Variants in STK32B observed in about 807,000 individuals in gnomAD.
The protein encoded by STK32B is serine/threonine kinase 32B.
In STK32B, 43 loss-of-function variants were observed where a neutral mutation model predicts 52.6. That is an observed-to-expected ratio of 0.82 (90% confidence interval 0.64 to 1.05). STK32B has a LOEUF of 1.05. Among genes scored for constraint, STK32B ranks in the 50% least tolerant of loss-of-function variants. STK32B has a pLI of 0.00. For synonymous variants in STK32B, 238 were observed against 204.3 expected (o/e 1.17, Z -1.41); for missense variants, 621 against 534.6 (o/e 1.16, Z -1.59).
At chr4:5,365,903 G>A (rs1350591922) in intron 4 of STK32B, among the ~76,000 whole-genome samples, 2 of 152,192 alleles carry the variant, frequency 1.3e-5, no homozygotes, top group African/African-American at 2.4e-5. Context: ...GGCAGCGTGA[G>A]AAAGGACTTG....
intron 3 of STK32B, among the ~76,000 whole-genome samples, chr4:5,231,323 G>C (rs1724252827): frequency 6.6e-6 from 1 of 152,068 alleles, no homozygotes; most frequent in Non-Finnish European, 1.5e-5. Flanking sequence ...CTTTAGAGTA[G>C]CTCTTAGCCG....
chr4:5,159,634 T>TATATGA (rs1420565338), intron 2 of STK32B, among the ~76,000 whole-genome samples: 5 of 101,130 alleles, frequency 4.9e-5, no homozygotes, highest in African/African-American at 2.7e-4. Flanking sequence ...TATATGAATA[T>TATATGA]ATATATGAAT....
At chr4:5,385,172 A>G (rs1736168661) in intron 4 of STK32B, among the ~76,000 whole-genome samples, 2 of 151,972 alleles carry the variant, frequency 1.3e-5, no homozygotes, top group African/African-American at 2.4e-5. Flanking sequence ...GGCCAGAGCT[A>G]GAGGGAATGG....
In STK32B at chr4:5,398,163, G is replaced by A; in HGVS notation, c.435-44G>A. 1.2e-6 allele frequency: 2 copies of A among 1,611,384 alleles called. No homozygotes were observed. The highest frequency in any genetic ancestry group is 1.7e-6 in the Non-Finnish European group (2 of 1,178,536). ...GGTGCTTGTCTATGTGCTCATCTGTGGGCTCAGGAACCACATTGCCAGCTT... is the reference window on the plus strand; with the variant it reads ...GGTGCTTGTCTATGTGCTCATCTGTAGGCTCAGGAACCACATTGCCAGCTT... On this transcript the variant is annotated intron_variant, in intron 4 of 11. Transcript: ENST00000282908. The surrounding 1 kb of genome is among the most constrained non-coding windows in gnomAD (Gnocchi z 4.9).
chr4:5,099,827 C>T lies in STK32B; in HGVS notation c.53-40078C>T, dbSNP rs115639685. 2.1e-3 allele frequency among the ~76,000 whole-genome samples: 318 copies of T among 152,104 alleles called. 3 individuals carry two copies. Among genetic ancestry groups the T allele is most frequent in the African/African-American group, 7.2e-3 (298 of 41,506 alleles). ...TGCGCCCATTCTGCTCATGAGCTCC[C>T]GGGTTTCCAAGCGGGACCTGTCTGA... On this transcript the variant is annotated intron_variant, in intron 1 of 11. Transcript: ENST00000282908.
intron 3 of STK32B, among the ~76,000 whole-genome samples, chr4:5,281,138 A>T (rs750677870): frequency 6.8e-6 from 1 of 147,216 alleles, no homozygotes; most frequent in Non-Finnish European, 1.5e-5. Flanking sequence ...CACTTAACCA[A>T]CCAGATCTCA....
At chr4:5,312,638 A>G (rs1459125501) in intron 3 of STK32B, among the ~76,000 whole-genome samples, 1 of 152,046 alleles carries the variant, frequency 6.6e-6, no homozygotes, top group Non-Finnish European at 1.5e-5. Context: ...ATGGCTGCAT[A>G]GTATTCCATG....
intron 2 of STK32B, among the ~76,000 whole-genome samples, chr4:5,159,630 AAT>A (rs1318524989): frequency 0.014 from 1,133 of 80,806 alleles, 185 homozygotes; most frequent in African/African-American, 0.026. Flanking sequence ...AATATATATG[AAT>A]ATATATATGA....
intron 1 of STK32B, among the ~76,000 whole-genome samples, chr4:5,055,116 G>A (rs1172695414): frequency 6.6e-6 from 1 of 152,066 alleles, no homozygotes; most frequent in African/African-American, 2.4e-5. Flanking sequence ...AAAACAAAAG[G>A]TCTCACTCTG....
chr4:5,160,818 A>G (rs1460517771), intron 2 of STK32B, among the ~76,000 whole-genome samples: 1 of 152,200 alleles, frequency 6.6e-6, no homozygotes, highest in Non-Finnish European at 1.5e-5. Flanking sequence ...GGAGCACAGC[A>G]GAGAGGGAGG....
rs1019129721 is a variant in STK32B at position 5,437,906 on chromosome 4, A to G, written c.563-8767A>G. ...TTGGTGGCATAGGGATTATGATATC[A>G]ATATTGTTGTGTTCTACCATCAGCT... On this transcript the variant is annotated intron_variant, in intron 6 of 11. Transcript: ENST00000282908. 5.1e-6 allele frequency: 5 copies of G among 985,196 alleles called. No homozygotes were observed. In the African/African-American group the frequency reaches 8.7e-5, roughly 17 times the overall value. 61.0% of individuals were successfully genotyped at this position (985,196 alleles called of 1,614,324 possible). A position where few individuals can be genotyped will look rare whatever the true frequency, so the allele number is the denominator to read the frequency against.
Position 5,279,564 on chromosome 4 carries a change from G to T in STK32B, c.261-51656G>T, listed in dbSNP as rs1222837740. On this transcript the variant is annotated intron_variant, in intron 3 of 11. Transcript: ENST00000282908. Reference sequence around the variant, plus strand: ...AAGCTGTCAGTGATCAACCATTCTGGGGTCTGGAGGATGGTAGCTTTTTCC... The same window carrying T: ...AAGCTGTCAGTGATCAACCATTCTGTGGTCTGGAGGATGGTAGCTTTTTCC... Among the ~76,000 whole-genome samples the T allele has an allele frequency of 2.6e-5, 4 of 152,230 alleles. No homozygotes were observed. In the East Asian group the frequency reaches 7.7e-4, roughly 29 times the overall value.
At chr4:5,369,779 A>G (rs951439557) in intron 4 of STK32B, among the ~76,000 whole-genome samples, 1 of 152,236 alleles carries the variant, frequency 6.6e-6, no homozygotes, top group African/African-American at 2.4e-5. Context: ...GCCAGGCAAC[A>G]TGAGGATTTC....
chr4:5,078,493 G>A (rs898084610), intron 1 of STK32B, among the ~76,000 whole-genome samples: 1 of 152,186 alleles, frequency 6.6e-6, no homozygotes. Flanking sequence ...TATGTGCAAG[G>A]TGGGTCTTTG....
chr4:5,421,568 A>C (rs929294665), intron 6 of STK32B, among the ~76,000 whole-genome samples: 3 of 152,184 alleles, frequency 2.0e-5, no homozygotes, highest in South Asian at 4.1e-4. Flanking sequence ...CTCTGCCTGC[A>C]TGTGGCACCA....
At chr4:5,373,083 G>A (rs1256435832) in intron 4 of STK32B, among the ~76,000 whole-genome samples, 1 of 152,188 alleles carries the variant, frequency 6.6e-6, no homozygotes, top group Admixed American at 6.5e-5. Flanking sequence ...GTGGGGAGGG[G>A]AGAAAGCTTT....
chr4:5,124,879 A>G (rs374727681), intron 1 of STK32B, among the ~76,000 whole-genome samples: 1 of 152,150 alleles, frequency 6.6e-6, no homozygotes, highest in Non-Finnish European at 1.5e-5. Flanking sequence ...TTCCCCTCCA[A>G]TCTTACTCCT....
At chr4:5,175,025 T>C (rs1210105515) in intron 3 of STK32B, among the ~76,000 whole-genome samples, 1 of 152,188 alleles carries the variant, frequency 6.6e-6, no homozygotes, top group East Asian at 1.9e-4. Flanking sequence ...TCTCTAAAGT[T>C]CCCTTCTCGC....
At position 5,460,286 on chromosome 4, in the gene STK32B, G is replaced by C; in HGVS notation, c.909+58G>C. 1.3e-6 allele frequency: 2 copies of C among 1,556,386 alleles called. No individual in the cohort carries two copies. The highest frequency in any genetic ancestry group is 2.3e-4 in the Middle Eastern group (1 of 4,268). On this transcript the variant is annotated intron_variant, in intron 9 of 11. Coordinates refer to ENST00000282908, the MANE Select transcript of STK32B (RefSeq NM_018401.3). This position sits in a 1 kb window ranked among gnomAD's most constrained non-coding sequence, Gnocchi z 4.8. ...CCCTCTGCAGGGTCCCCGCCTTGGTGCAAAGCAAGACTTTGGCAGCTGGCT... is the reference window on the plus strand; with the variant it reads ...CCCTCTGCAGGGTCCCCGCCTTGGTCCAAAGCAAGACTTTGGCAGCTGGCT...
Sources: allele counts gnomAD v4.1 joint callset (sites outside exome capture counted in the v4.1 genomes callset), GRCh38; gene constraint gnomAD v4.1.1; non-coding constraint Gnocchi (gnomAD v3.1); transcripts MANE v1.5; gene names NCBI Gene and HGNC (gene_info 2026-07-23, HGNC 2026-07-21).